FBN2: variants seen among roughly 807,000 people sequenced by gnomAD.
The protein encoded by FBN2 is fibrillin 2, also known as fibrillin-2.
In FBN2, 105 loss-of-function variants were observed where a neutral mutation model predicts 355.6. That is an observed-to-expected ratio of 0.30 (90% CI 0.25 to 0.35). The LOEUF is 0.35. Ranked by LOEUF, FBN2 falls within the 10% of genes least tolerant of loss-of-function variation. The pLI is 1.00. For synonymous variants in FBN2, 1,350 were observed against 1,301.2 expected (o/e 1.04, Z -0.81); for missense variants, 3,280 against 3,758.7 (o/e 0.87, Z 3.33).
chr5:128,469,564 C>A (rs138021488), intron 5 of FBN2, among the ~76,000 whole-genome samples: 1 of 149,430 alleles, frequency 6.7e-6, no homozygotes, highest in Admixed American at 6.7e-5. Flanking sequence ...GGAGAGACTT[C>A]TTTCTGGCAT....
chr5:128,367,166 A>G, intron 16 of FBN2, among the ~76,000 whole-genome samples: 1 of 152,204 alleles, frequency 6.6e-6, no homozygotes, highest in East Asian at 1.9e-4. Flanking sequence ...TCTTACAAGT[A>G]AAACTCTCAA....
chr5:128,438,170 T>C (rs1365965021), intron 7 of FBN2, among the ~76,000 whole-genome samples: 1 of 152,210 alleles, frequency 6.6e-6, no homozygotes, highest in Non-Finnish European at 1.5e-5. Context: ...TTTTGTATTT[T>C]TAGTAGAGAC....
intron 7 of FBN2, among the ~76,000 whole-genome samples, chr5:128,414,029 T>C (rs947205149): frequency 4.6e-5 from 7 of 152,180 alleles, no homozygotes; most frequent in African/African-American, 7.2e-5. Flanking sequence ...ATATTACAAA[T>C]TGCAATGGAA....
chr5:128,441,690 A>G (rs1753924500), intron 7 of FBN2, among the ~76,000 whole-genome samples: 1 of 152,208 alleles, frequency 6.6e-6, no homozygotes, highest in Non-Finnish European at 1.5e-5. Flanking sequence ...GTTCAGATAC[A>G]ATATGGTAAG....
At chr5:128,483,492 G>C (rs548027539) in intron 5 of FBN2, among the ~76,000 whole-genome samples, 1 of 151,954 alleles carries the variant, frequency 6.6e-6, no homozygotes, top group Non-Finnish European at 1.5e-5. Context: ...AAAACTACCT[G>C]AGGTTGGCTG....
At chr5:128,521,917 C>T (rs1238396829) in intron 4 of FBN2, among the ~76,000 whole-genome samples, 1 of 152,092 alleles carries the variant, frequency 6.6e-6, no homozygotes, top group African/African-American at 2.4e-5. Context: ...ATCAATGCCT[C>T]CCTTCTCACT....
At position 128,527,922 on chromosome 5, in the gene FBN2, T is replaced by A; in HGVS notation, c.482A>T (p.Asp161Val). The A allele has an allele frequency of 6.2e-7, 1 of 1,612,832 alleles. No homozygotes were observed. The stretch of plus-strand genomic sequence containing the variant: ...TCCTTTCTGGCACTGGCAGTGGTCA[T>A]CTGCACAGGTCCCACCATTCATGCA... ...VRCMNGGTCA[D>V]DHCQCQKGYI... Residue 161 changes from aspartate (D) to valine (V), a missense_variant, in exon 4 of 65, where the codon GAT (aspartate) becomes GTT (valine). Physicochemically the swap from Asp to Val is radical, Grantham distance 152. Coordinates refer to ENST00000262464, the MANE Select transcript of FBN2 (RefSeq NM_001999.4).
chr5:128,477,855 T>A (rs1311471118), intron 5 of FBN2, among the ~76,000 whole-genome samples: 1 of 152,212 alleles, frequency 6.6e-6, no homozygotes, highest in African/African-American at 2.4e-5. Context: ...GTGCTTGCAC[T>A]GAATGAAATG....
chr5:128,304,945 T>C lies in FBN2; in HGVS notation c.5800+12A>G. ...CCCCACTTCACTCCCTGGAGCCACATGCCCTTCTTACCCATGCACATGGTC... is the reference window on the plus strand; with the variant it reads ...CCCCACTTCACTCCCTGGAGCCACACGCCCTTCTTACCCATGCACATGGTC... On this transcript the variant is annotated intron_variant, in intron 45 of 64. Coordinates refer to ENST00000262464, the MANE Select transcript of FBN2 (RefSeq NM_001999.4). The C allele has an allele frequency of 1.2e-6, 2 of 1,613,970 alleles. No individual in the cohort carries two copies. The highest frequency in any genetic ancestry group is 8.5e-7 in the Non-Finnish European group (1 of 1,179,922).
At chr5:128,297,278 A>G (rs867552019) in intron 48 of FBN2, among the ~76,000 whole-genome samples, 1 of 152,166 alleles carries the variant, frequency 6.6e-6, no homozygotes, top group African/African-American at 2.4e-5. Context: ...ATTTTGGAAT[A>G]GGTGTGGTGT....
intron 7 of FBN2, among the ~76,000 whole-genome samples, chr5:128,436,847 T>C (rs929154210): frequency 6.6e-6 from 1 of 152,088 alleles, no homozygotes; most frequent in Non-Finnish European, 1.5e-5. Context: ...CTCACCAATC[T>C]GGACAGAGGG....
chr5:128,496,362 T>C (rs1489661770), intron 5 of FBN2, among the ~76,000 whole-genome samples: 1 of 151,996 alleles, frequency 6.6e-6, no homozygotes, highest in African/African-American at 2.4e-5. Flanking sequence ...ATCCAAGGAA[T>C]TTGAGGATAT....
intron 17 of FBN2, chr5:128,365,316 CT>C (rs907516532): frequency 6.5e-6 from 1 of 153,168 alleles, no homozygotes; most frequent in African/African-American, 2.4e-5. Context: ...GGCAGTGGAA[CT>C]TGTGCACTGA....
chr5:128,282,485 G>A (rs39936), intron 55 of FBN2, among the ~76,000 whole-genome samples: 14,935 of 151,814 alleles, frequency 0.098, 1,585 homozygotes, highest in East Asian at 0.6. Context: ...AACTAAAAGC[G>A]TTCTTGGAAG....
At chr5:128,339,632 C>T (rs1257169867) in intron 25 of FBN2, among the ~76,000 whole-genome samples, 2 of 151,958 alleles carry the variant, frequency 1.3e-5, no homozygotes, top group East Asian at 3.8e-4. Context: ...AAGGATGAAC[C>T]CTGCAACTGT....
In FBN2 at chr5:128,277,901, T is replaced by C. The variant is rs1335662696; in HGVS notation, c.7450A>G (p.Ile2484Val). The change falls in exon 58 of 65, where the codon ATC becomes GTC. Residue 2484 changes from isoleucine (I) to valine (V), a missense_variant. Physicochemically the swap from Ile to Val is conservative, Grantham distance 29. Coordinates refer to ENST00000262464, the MANE Select transcript of FBN2 (RefSeq NM_001999.4). ...TTACCTATACAAGAGGTTCCACTGA[T>C]GTCTGTGGTGTAGCCAACCTTGCAG... ...CFCKVGYTTD[I>V]SGTSCIDLDE... is the part of the protein sequence containing the mutation. 1.2e-6 allele frequency: 2 copies of C among 1,614,044 alleles called. No individual in the cohort carries two copies. Among genetic ancestry groups the C allele is most frequent in the East Asian group, 2.2e-5 (1 of 44,878 alleles).
At chr5:128,347,891 G>C (rs182303425) in intron 23 of FBN2, among the ~76,000 whole-genome samples, 102 of 151,986 alleles carry the variant, frequency 6.7e-4, no homozygotes, top group African/African-American at 2.5e-3. Context: ...CGATTCTCCT[G>C]CTTCAGTCCC....
Position 128,361,859 on chromosome 5 carries a change from C to G in FBN2, c.2429-11G>C. 1 of 1,613,328 alleles carries G rather than the reference C, an allele frequency of 6.2e-7. No homozygotes were observed. Among genetic ancestry groups the G allele is most frequent in the East Asian group, 2.2e-5 (1 of 44,862 alleles). On this transcript the variant is annotated splice_polypyrimidine_tract_variant and intron_variant, in intron 18 of 64. Transcript: ENST00000262464. ...AACATTCATCAATGTCTGAAAGCAA[C>G]GATTGAAAGATAGGAGATACACATA... is the stretch of plus-strand genomic sequence containing the variant.
intron 7 of FBN2, among the ~76,000 whole-genome samples, chr5:128,413,176 G>A (rs2127005497): frequency 6.6e-6 from 1 of 152,312 alleles, no homozygotes; most frequent in Middle Eastern, 3.4e-3. Context: ...AAATTATAAA[G>A]ATGGACATTT....
Sources: allele counts gnomAD v4.1 joint callset (sites outside exome capture counted in the v4.1 genomes callset), GRCh38; gene constraint gnomAD v4.1.1; transcripts MANE v1.5; gene names NCBI Gene and HGNC (gene_info 2026-07-23, HGNC 2026-07-21).